The following TUSC3 variants were observed in gnomAD, a reference collection of about 807,000 sequenced individuals.
TUSC3 encodes the protein dolichyl-diphosphooligosaccharide--protein glycosyltransferase subunit TUSC3.
A neutral mutation model predicts 44.8 loss-of-function variants in TUSC3; 45 were observed. The ratio of observed to expected loss-of-function variants is 1.00; its 90% confidence interval spans 0.79 to 1.29. The LOEUF (loss-of-function observed/expected upper bound fraction) is 1.29. Ranked by LOEUF, TUSC3 falls within the 50% of genes most tolerant of loss-of-function variation. TUSC3 has a pLI of 0.00. For missense variants in TUSC3, 519 were observed against 437.9 expected (o/e 1.19, Z -1.65); for synonymous variants, 212 against 152.9 (o/e 1.39, Z -2.85).
chr8:15,613,552 C>T (rs1056118433), intron 1 of TUSC3, among the ~76,000 whole-genome samples: 8 of 152,096 alleles, frequency 5.3e-5, no homozygotes, highest in Non-Finnish European at 4.4e-5. Context: ...TGCCTGCTGC[C>T]ATGTTAAGAT....
At chr8:15,499,549 T>C (rs1800930271) in intron 2 of TUSC3, among the ~76,000 whole-genome samples, 1 of 152,192 alleles carries the variant, frequency 6.6e-6, no homozygotes, top group Non-Finnish European at 1.5e-5. Context: ...ATGGCCTCTC[T>C]TTTGTGTCTG....
At chr8:15,474,567 T>C (rs75691909) in intron 1 of TUSC3, among the ~76,000 whole-genome samples, 7,577 of 152,178 alleles carry the variant, frequency 0.05, 252 homozygotes, top group South Asian at 0.11. Context: ...GCAAATGGAA[T>C]GGGTATAAGA....
At chr8:15,562,088 C>T (rs977486433) in intron 1 of TUSC3, among the ~76,000 whole-genome samples, 22 of 152,260 alleles carry the variant, frequency 1.4e-4, no homozygotes, top group Non-Finnish European at 2.5e-4. Context: ...AAAACAGCAG[C>T]AGTAAGAACA....
intron 2 of TUSC3, among the ~76,000 whole-genome samples, chr8:15,521,505 C>A (rs752084479): frequency 9.2e-5 from 14 of 152,164 alleles, no homozygotes; most frequent in Non-Finnish European, 1.8e-4. Context: ...GAGACTGGCA[C>A]ATGATCCCAT....
In TUSC3 at chr8:15,594,273, G is replaced by C. The variant is rs1376934491; in HGVS notation, c.139-28807G>C. Among the ~76,000 whole-genome samples, 2 of 151,916 alleles carry C rather than the reference G, an allele frequency of 1.3e-5. 1 individual carries two copies. Among genetic ancestry groups the C allele is most frequent in the Non-Finnish European group, 2.9e-5 (2 of 67,956 alleles). On this transcript the variant is annotated intron_variant, in intron 1 of 10. Transcript: ENST00000503731. ...TTGTAGTTTTCATCTTTAGAAGTTT[G>C]GCTCTTTTTTATATCTGTATACTTA...
the TUSC3 span, among the ~76,000 whole-genome samples, chr8:15,822,021 G>T: frequency 2.6e-5 from 4 of 152,156 alleles, no homozygotes; most frequent in East Asian, 7.7e-4. Flanking sequence ...CGAGTAATAA[G>T]ATGTAGCCAT....
intron 1 of TUSC3, among the ~76,000 whole-genome samples, chr8:15,459,169 C>T (rs1800306584): frequency 6.6e-6 from 1 of 152,120 alleles, no homozygotes; most frequent in South Asian, 2.1e-4. Flanking sequence ...GACAAAGCTT[C>T]ATCACTATGA....
chr8:15,785,823 G>A, the TUSC3 span, among the ~76,000 whole-genome samples: 3 of 151,950 alleles, frequency 2.0e-5, no homozygotes, highest in African/African-American at 7.3e-5. Flanking sequence ...GAAATGAAAA[G>A]AGCCAAATTC....
At chr8:15,757,668 C>A in intron 9 of TUSC3, 123 bp from the exon 10 acceptor site, 2 of 1,120,914 alleles carry the variant, frequency 1.8e-6, no homozygotes, top group Non-Finnish European at 2.6e-6. Flanking sequence ...CATCGTCTAT[C>A]CCCTGTCTTA....
At chr8:15,537,238 C>G (rs1175306777), upstream of TUSC3, among the ~76,000 whole-genome samples, 1 of 152,114 alleles carries the variant, frequency 6.6e-6, no homozygotes, top group East Asian at 1.9e-4. Context: ...TCCACTGATC[C>G]CAGGTTTTCA....
chr8:15,761,578 C>G (rs1812170303), intron 10 of TUSC3, among the ~76,000 whole-genome samples: 1 of 152,196 alleles, frequency 6.6e-6, no homozygotes, highest in African/African-American at 2.4e-5. Flanking sequence ...CGCGAATAAG[C>G]CAGTCACAGC....
At chr8:15,810,079 C>T in the TUSC3 span, among the ~76,000 whole-genome samples, 2 of 152,042 alleles carry the variant, frequency 1.3e-5, no homozygotes, top group African/African-American at 2.4e-5. Context: ...GGTAGCAAGC[C>T]GTAAACAATG....
intron 1 of TUSC3, among the ~76,000 whole-genome samples, chr8:15,424,797 T>G (rs1326783198): frequency 6.6e-6 from 1 of 151,986 alleles, no homozygotes; most frequent in Non-Finnish European, 1.5e-5. Flanking sequence ...GAAGAATCAC[T>G]TGAACCGGGA....
the TUSC3 span, among the ~76,000 whole-genome samples, chr8:15,823,119 C>A: frequency 6.6e-6 from 1 of 152,048 alleles, no homozygotes; most frequent in African/African-American, 2.4e-5. Context: ...AACATATTGA[C>A]TTTTTGCTTA....
chr8:15,817,245 A>G, the TUSC3 span, among the ~76,000 whole-genome samples: 3 of 152,192 alleles, frequency 2.0e-5, no homozygotes, highest in African/African-American at 7.2e-5. Flanking sequence ...CTATCAATCC[A>G]TATTTAGGTT....
At chr8:15,789,310 C>G in the TUSC3 span, among the ~76,000 whole-genome samples, 5,252 of 152,196 alleles carry the variant, frequency 0.035, 120 homozygotes, top group East Asian at 0.11. Context: ...ATCACATGAT[C>G]AAGAGCAGCC....
intron 7 of TUSC3, among the ~76,000 whole-genome samples, chr8:15,738,581 G>C (rs1051187294): frequency 4.6e-5 from 7 of 152,056 alleles, no homozygotes; most frequent in African/African-American, 7.2e-5. Flanking sequence ...GAAAATACGT[G>C]TGACTCTTTC....
chr8:15,559,696 G>A (rs1400075992), intron 1 of TUSC3, among the ~76,000 whole-genome samples: 1 of 132,438 alleles, frequency 7.6e-6, no homozygotes, highest in African/African-American at 2.8e-5. Context: ...CCTGTATTGG[G>A]TGCATATATA....
At chr8:15,517,277 G>T (rs764749432) in intron 2 of TUSC3, among the ~76,000 whole-genome samples, 1 of 151,952 alleles carries the variant, frequency 6.6e-6, no homozygotes, top group Non-Finnish European at 1.5e-5. Flanking sequence ...AAAAATTTAC[G>T]CCCATAGCTA....
Sources: allele counts gnomAD v4.1 joint callset (sites outside exome capture counted in the v4.1 genomes callset), GRCh38; gene constraint gnomAD v4.1.1; transcripts MANE v1.5; gene names NCBI Gene and HGNC (gene_info 2026-07-23, HGNC 2026-07-21).